PITPNM2: variants seen among roughly 807,000 people sequenced by gnomAD.
PITPNM2 encodes the protein phosphatidylinositol transfer protein membrane associated 2.
PITPNM2 carries 35 observed loss-of-function variants against 132.2 expected under a neutral mutation model. That is an observed-to-expected ratio of 0.26 (90% CI 0.20 to 0.35). PITPNM2 has a LOEUF of 0.35. Among genes scored for constraint, PITPNM2 ranks in the 10% least tolerant of loss-of-function variants. The pLI, the probability that PITPNM2 is intolerant of heterozygous loss-of-function variation, is 1.00. For synonymous variants in PITPNM2, 738 were observed against 799.2 expected, an observed-to-expected ratio of 0.92 and a Z score of 1.29; for missense variants, 1,332 against 1,912.0, an observed-to-expected ratio of 0.70 and a Z score of 5.66.
At chr12:123,113,534 T>C (rs1293484453) in intron 1 of PITPNM2, among the ~76,000 whole-genome samples, 2 of 152,066 alleles carry the variant, frequency 1.3e-5, no homozygotes, top group East Asian at 3.8e-4. Flanking sequence ...ACCCCCCATC[T>C]TTACAAAAAT....
chr12:123,132,429 C>T (rs954302907), intron 1 of PITPNM2, among the ~76,000 whole-genome samples: 7 of 152,096 alleles, frequency 4.6e-5, no homozygotes, highest in African/African-American at 9.7e-5. Flanking sequence ...GGTCCAGCCC[C>T]GAGAGCCACT....
intron 2 of PITPNM2, among the ~76,000 whole-genome samples, chr12:123,101,636 T>A (rs977841766): frequency 7.9e-5 from 12 of 152,190 alleles, no homozygotes; most frequent in Admixed American, 2.6e-4. Context: ...ATGTTCGTCA[T>A]GTGTTAAGTG....
At chr12:123,090,268 C>T (rs1281897748) in intron 2 of PITPNM2, 1 of 152,240 alleles carries the variant, frequency 6.6e-6, no homozygotes, top group East Asian at 1.9e-4. Context: ...CTCACTTCCT[C>T]ACCACATTTC....
intron 2 of PITPNM2, among the ~76,000 whole-genome samples, chr12:123,071,144 G>T (rs569905392): frequency 6.6e-6 from 1 of 152,314 alleles, no homozygotes; most frequent in Non-Finnish European, 1.5e-5. Flanking sequence ...GGAGCAACAG[G>T]CTGAACTCTT....
rs534286004 is a variant in PITPNM2 at position 123,078,415 on chromosome 12, G to A, written c.-96+31970C>T. On this transcript the variant is annotated intron_variant, in intron 2 of 25. Coordinates refer to ENST00000320201, the MANE Select transcript of PITPNM2 (RefSeq NM_020845.3). This position sits in a 1 kb window ranked among gnomAD's most constrained non-coding sequence, Gnocchi z 7.3. ...AGATGGGGGCTTTCTCGCCTGGCTC[G>A]TGGTGCTCCGCTGCCCCAAGAGCCT... Among the ~76,000 whole-genome samples, 5 of 152,302 alleles carry A rather than the reference G, an allele frequency of 3.3e-5. No homozygotes were observed. Among genetic ancestry groups the A allele is most frequent in the Admixed American group, 6.5e-5 (1 of 15,300 alleles).
chr12:122,987,256 C>T (rs1289787688), intron 23 of PITPNM2, 25 bp downstream of exon 23: 19 of 1,608,596 alleles, frequency 1.2e-5, no homozygotes, highest in Non-Finnish European at 1.6e-5. Flanking sequence ...GCTACAGCCC[C>T]TTTGTGCCCC....
intron 2 of PITPNM2, among the ~76,000 whole-genome samples, chr12:123,051,111 G>A (rs539000304): frequency 4.1e-4 from 62 of 152,278 alleles, no homozygotes; most frequent in Non-Finnish European, 4.9e-4. Context: ...TATCCTCAAG[G>A]CCCACCCCTC....
chr12:123,053,904 T>C (rs1280343077), intron 2 of PITPNM2, among the ~76,000 whole-genome samples: 2 of 152,168 alleles, frequency 1.3e-5, no homozygotes, highest in Non-Finnish European at 2.9e-5. Context: ...TGATACACTC[T>C]ATAGACTTCA....
At chr12:123,107,693 G>A (rs1372890646) in intron 2 of PITPNM2, among the ~76,000 whole-genome samples, 1 of 152,192 alleles carries the variant, frequency 6.6e-6, no homozygotes, top group Non-Finnish European at 1.5e-5. Context: ...CCCAAGCAGG[G>A]TGCAGAGGCA....
At chr12:123,051,817 C>T (rs2040864549) in intron 2 of PITPNM2, among the ~76,000 whole-genome samples, 1 of 152,092 alleles carries the variant, frequency 6.6e-6, no homozygotes, top group South Asian at 2.1e-4. Context: ...CCTGAGTTAA[C>T]ACCCATCTGC....
intron 2 of PITPNM2, chr12:123,076,170 C>A (rs2041781161): frequency 6.6e-6 from 1 of 152,270 alleles, no homozygotes; most frequent in Non-Finnish European, 1.5e-5. Flanking sequence ...CAACCAGAAT[C>A]CAGATGCCCG....
intron 1 of PITPNM2, among the ~76,000 whole-genome samples, chr12:123,143,263 G>C (rs1284968511): frequency 6.6e-6 from 1 of 152,070 alleles, no homozygotes; most frequent in African/African-American, 2.4e-5. Flanking sequence ...CCTCCCTAGG[G>C]GGCTGGGAAG....
At chr12:123,114,421 C>T (rs1434406064) in intron 1 of PITPNM2, among the ~76,000 whole-genome samples, 1 of 150,714 alleles carries the variant, frequency 6.6e-6, no homozygotes, top group African/African-American at 2.5e-5. Context: ...TATACATATA[C>T]ACCCTGCTTT....
chr12:122,990,706 T>A lies in PITPNM2; in HGVS notation c.2408A>T (p.Asp803Val), dbSNP rs759645034. 6.2e-7 allele frequency: 1 copy of A among 1,603,296 alleles called. No homozygotes were observed. The highest frequency in any genetic ancestry group is 1.3e-5 in the African/African-American group (1 of 74,802). ...LGDGCSTLLA[D>V]VLQTHNAAFQ... ...GGCTGCATTGTGGGTCTGGAGCACA[T>A]CCGCTGCAGGTGGACAGGGACCAGA... The change falls in exon 17 of 26, where the codon GAT (aspartate) becomes GTT (valine). Residue 803 changes from aspartate (D) to valine (V), a missense_variant. Asp to Val is a radical substitution (Grantham distance 152). This residue lies in a region of PITPNM2 where 710 missense variants were observed against 911.5 expected (regional missense o/e 0.78). Transcript: ENST00000320201.
At chr12:123,143,941 C>T (rs935996335) in intron 1 of PITPNM2, among the ~76,000 whole-genome samples, 1 of 152,158 alleles carries the variant, frequency 6.6e-6, no homozygotes, top group African/African-American at 2.4e-5. Flanking sequence ...CTGGATACAC[C>T]GTGGGGGCTG....
chr12:122,999,919 G>C (rs2038585584), intron 10 of PITPNM2, among the ~76,000 whole-genome samples: 1 of 152,192 alleles, frequency 6.6e-6, no homozygotes, highest in Admixed American at 6.5e-5. Flanking sequence ...AGAGCTGTGT[G>C]TGCTGCAGGT....
intron 2 of PITPNM2, among the ~76,000 whole-genome samples, chr12:123,045,521 A>G (rs2040623674): frequency 6.6e-6 from 1 of 152,244 alleles, no homozygotes; most frequent in African/African-American, 2.4e-5. Flanking sequence ...GCTTGTGAGC[A>G]GGTGGGCACA....
intron 2 of PITPNM2, among the ~76,000 whole-genome samples, chr12:123,098,467 A>T (rs1004816977): frequency 5.9e-5 from 9 of 152,078 alleles, no homozygotes; most frequent in Non-Finnish European, 1.2e-4. Context: ...CACTTTGGGA[A>T]ACTGTGGGAG....
chr12:123,068,130 T>A (rs1592988041), intron 2 of PITPNM2, among the ~76,000 whole-genome samples: 1 of 152,164 alleles, frequency 6.6e-6, no homozygotes, highest in East Asian at 1.9e-4. Context: ...AACAGCTTTT[T>A]CTAGGCCCCC....
Sources: allele counts gnomAD v4.1 joint callset (sites outside exome capture counted in the v4.1 genomes callset), GRCh38; gene constraint gnomAD v4.1.1; regional missense constraint gnomAD v4.1.1; non-coding constraint Gnocchi (gnomAD v3.1); transcripts MANE v1.5; gene names NCBI Gene and HGNC (gene_info 2026-07-23, HGNC 2026-07-21).